TMEM135: variants seen among roughly 807,000 people sequenced by gnomAD.
TMEM135 encodes peroxisomal membrane protein 52.
TMEM135 carries 30 observed loss-of-function variants against 60.3 expected under a neutral mutation model. The observed-to-expected ratio is 0.50, with a 90% CI of 0.37 to 0.68. TMEM135 has a LOEUF of 0.68. TMEM135 is among the 30% of genes least tolerant of loss of function. The pLI, the probability that TMEM135 is intolerant of heterozygous loss-of-function variation, is 0.00. For missense variants in TMEM135, 468 were observed against 548.8 expected (o/e 0.85, Z 1.47); for synonymous variants, 190 against 186.7 (o/e 1.02, Z -0.14).
At chr11:87,224,139 C>T (rs943050299) in intron 5 of TMEM135, among the ~76,000 whole-genome samples, 15 of 152,194 alleles carry the variant, frequency 9.9e-5, no homozygotes, top group African/African-American at 2.2e-4. Context: ...ATGTGAGTAA[C>T]GTACTCATGT....
intron 7 of TMEM135, among the ~76,000 whole-genome samples, chr11:87,299,194 C>T (rs1288521614): frequency 6.6e-6 from 1 of 152,194 alleles, no homozygotes; most frequent in Non-Finnish European, 1.5e-5. Context: ...TATAAAGATA[C>T]TACTCAAGAC....
intron 7 of TMEM135, among the ~76,000 whole-genome samples, chr11:87,298,902 A>G (rs1220604648): frequency 6.6e-6 from 1 of 152,064 alleles, no homozygotes. Context: ...ACTGACCAAC[A>G]TGGTGAAACC....
At chr11:87,205,386 A>G (rs1377827024) in intron 5 of TMEM135, among the ~76,000 whole-genome samples, 1 of 152,216 alleles carries the variant, frequency 6.6e-6, no homozygotes, top group Admixed American at 6.5e-5. Context: ...CATTAGAAAG[A>G]CATATCTCTC....
chr11:87,266,321 A>G (rs1157068079), intron 6 of TMEM135, among the ~76,000 whole-genome samples: 1 of 152,198 alleles, frequency 6.6e-6, no homozygotes, highest in Non-Finnish European at 1.5e-5. Context: ...GACCTCAGTA[A>G]TAATAACATT....
chr11:87,150,175 A>G lies in TMEM135; in HGVS notation c.397-7166A>G, dbSNP rs150300157. Among the ~76,000 whole-genome samples, 824 of 146,980 alleles carry G rather than the reference A, an allele frequency of 5.6e-3. 11 individuals are homozygous for G. The highest frequency in any genetic ancestry group is 0.029 in the East Asian group (146 of 4,986). On this transcript the variant is annotated intron_variant, in intron 4 of 14. Transcript: ENST00000305494. ...GAGGTTGCAGTGAGCCGAGTGCACC[A>G]TTGCACTCCAGCCTGGGCAACAAGA...
chr11:87,142,584 A>ATT (rs1420755463), intron 4 of TMEM135, among the ~76,000 whole-genome samples: 1 of 151,946 alleles, frequency 6.6e-6, no homozygotes, highest in Non-Finnish European at 1.5e-5. Flanking sequence ...TGCTTTTAAG[A>ATT]TTTTTTTCTC....
intron 5 of TMEM135, among the ~76,000 whole-genome samples, chr11:87,233,563 T>G (rs530491552): frequency 6.6e-6 from 1 of 152,138 alleles, no homozygotes; most frequent in African/African-American, 2.4e-5. Flanking sequence ...TTGAAACTTA[T>G]GAAATTGTAC....
intron 5 of TMEM135, among the ~76,000 whole-genome samples, chr11:87,200,550 C>A (rs114498322): frequency 0.03 from 4,599 of 152,200 alleles, 215 homozygotes; most frequent in African/African-American, 0.1. Flanking sequence ...GCACAGACTC[C>A]TCCATGATCA....
intron 4 of TMEM135, among the ~76,000 whole-genome samples, chr11:87,115,964 A>G (rs1474816567): frequency 3.9e-5 from 6 of 152,098 alleles, no homozygotes; most frequent in Non-Finnish European, 2.9e-5. Flanking sequence ...AATTAAAAAT[A>G]TTAATCTATT....
rs769343919 is a variant in TMEM135 at position 87,327,070 on chromosome 11, A to G, written c.*5737A>G. ...GACAGTTACATGCCTAGCCCCAGGG[A>G]TGAATCATAATTGTTCTAGGCCTTT... On this transcript the variant is annotated 3_prime_UTR_variant, in exon 15 of 15. Coordinates refer to ENST00000305494, the MANE Select transcript of TMEM135 (RefSeq NM_022918.4). The G allele has an allele frequency of 4.4e-6, 2 of 453,934 alleles. No homozygotes were observed. Among genetic ancestry groups the G allele is most frequent in the African/African-American group, 4.0e-5 (2 of 49,984 alleles). 28.1% of individuals were successfully genotyped at this position (453,934 alleles called of 1,614,324 possible).
At chr11:87,098,939 C>T (rs567648236) in intron 4 of TMEM135, among the ~76,000 whole-genome samples, 14 of 152,202 alleles carry the variant, frequency 9.2e-5, no homozygotes, top group African/African-American at 2.6e-4. Flanking sequence ...CCGCCCGCCT[C>T]GGCCTCCCAA....
At chr11:87,169,170 C>G (rs1308187986) in intron 5 of TMEM135, among the ~76,000 whole-genome samples, 1 of 150,646 alleles carries the variant, frequency 6.6e-6, no homozygotes, top group Non-Finnish European at 1.5e-5. Flanking sequence ...CTTCCTCCAT[C>G]CCTTTATTTT....
intron 5 of TMEM135, among the ~76,000 whole-genome samples, chr11:87,195,349 CCT>C (rs1939915529): frequency 5.9e-5 from 7 of 118,844 alleles, no homozygotes; most frequent in African/African-American, 2.2e-4. Context: ...TTCCTTCCTT[CCT>C]TCCTTCCTTC....
At chr11:87,232,128 T>C (rs1301389810) in intron 5 of TMEM135, among the ~76,000 whole-genome samples, 1 of 152,068 alleles carries the variant, frequency 6.6e-6, no homozygotes, top group East Asian at 1.9e-4. Flanking sequence ...TTTTTGTATT[T>C]TTAGTGGAGA....
Position 87,326,991 on chromosome 11 carries a change from AT to A in TMEM135, c.*5660del, listed in dbSNP as rs780403503. ...AAAAATGGGATTGCAGTCATTGTTA[AT>A]TGCTCAACTAGTGGCAGTTTTTCCT... On this transcript the variant is annotated 3_prime_UTR_variant, in exon 15 of 15. Transcript: ENST00000305494. The A allele has an allele frequency of 1.5e-4, 68 of 451,766 alleles. No homozygotes were observed. Among genetic ancestry groups the A allele is most frequent in the Middle Eastern group, 6.9e-4 (1 of 1,440 alleles). The allele number at this position is 451,766 out of a possible 1,614,324, so 28.0% of individuals were successfully genotyped here. A position where few individuals can be genotyped will look rare whatever the true frequency, so the allele number is the denominator to read the frequency against.
At chr11:87,172,813 GAT>G (rs1939274900) in intron 5 of TMEM135, among the ~76,000 whole-genome samples, 1 of 151,764 alleles carries the variant, frequency 6.6e-6, no homozygotes, top group African/African-American at 2.4e-5. Context: ...ATAATACAGT[GAT>G]AATTATTTTT....
At chr11:87,081,055 T>G (rs1407563173) in intron 3 of TMEM135, among the ~76,000 whole-genome samples, 1 of 152,082 alleles carries the variant, frequency 6.6e-6, no homozygotes, top group Non-Finnish European at 1.5e-5. Flanking sequence ...TGTATTTCTT[T>G]CCAGTTAATT....
chr11:87,198,069 A>C lies in TMEM135; in HGVS notation c.463-38569A>C, dbSNP rs181964537. On this transcript the variant is annotated intron_variant, in intron 5 of 14. Transcript: ENST00000305494. The stretch of plus-strand genomic sequence containing the variant: ...ATCACCTTGAGTGTTTATCATTTTT[A>C]TGTGTTGGTGTCATTTCAAGCCCTC... 2.0e-3 allele frequency among the ~76,000 whole-genome samples: 297 copies of C among 152,096 alleles called. 1 individual carries two copies. Among genetic ancestry groups the C allele is most frequent in the African/African-American group, 6.8e-3 (284 of 41,500 alleles).
rs539324717 is a variant in TMEM135 at position 87,241,692 on chromosome 11, G to A, written c.509+5008G>A. On this transcript the variant is annotated intron_variant, in intron 6 of 14. Transcript: ENST00000305494. ...TATTTTTTCCAGCCTCTGGTAACCC[G>A]TATTCTACTGTCTATCTCCATGAGT... 4.0e-5 allele frequency among the ~76,000 whole-genome samples: 6 copies of A among 151,864 alleles called. No individual in the cohort carries two copies. In the South Asian group the frequency reaches 8.3e-4, roughly 21 times the overall value.
Sources: allele counts gnomAD v4.1 joint callset (sites outside exome capture counted in the v4.1 genomes callset), GRCh38; gene constraint gnomAD v4.1.1; transcripts MANE v1.5; gene names NCBI Gene and HGNC (gene_info 2026-07-23, HGNC 2026-07-21).